STXBP3: variants seen among roughly 807,000 people sequenced by gnomAD.
The protein encoded by STXBP3 is syntaxin-binding protein 3.
STXBP3 carries 41 observed loss-of-function variants against 85.7 expected under a neutral mutation model. The observed-to-expected ratio is 0.48, with a 90% CI of 0.37 to 0.62. The LOEUF is 0.62. STXBP3 is among the 20% of genes least tolerant of loss of function. The pLI is 0.00. For missense variants in STXBP3, 563 were observed against 703.1 expected (o/e 0.80, Z 2.25); for synonymous variants, 229 against 231.7 (o/e 0.99, Z 0.10).
chr1:108,792,609 T>A (rs544710147), intron 11 of STXBP3, among the ~76,000 whole-genome samples: 1 of 152,326 alleles, frequency 6.6e-6, no homozygotes, highest in East Asian at 1.9e-4. Flanking sequence ...TTATTCCTTA[T>A]CTTGGGTCTA....
At chr1:108,784,194 G>A (rs575784214) in intron 11 of STXBP3, among the ~76,000 whole-genome samples, 1 of 152,228 alleles carries the variant, frequency 6.6e-6, no homozygotes, top group South Asian at 2.1e-4. Context: ...TCTTCAGTAA[G>A]GCTGATCATT....
intron 17 of STXBP3, among the ~76,000 whole-genome samples, chr1:108,802,122 T>G (rs868483806): frequency 2.0e-5 from 3 of 152,120 alleles, no homozygotes; most frequent in Admixed American, 6.6e-5. Context: ...CCTGGCCGGG[T>G]GCGGTGGCTC....
chr1:108,790,851 A>G (rs1444604446), intron 11 of STXBP3, among the ~76,000 whole-genome samples: 1 of 152,006 alleles, frequency 6.6e-6, no homozygotes, highest in South Asian at 2.1e-4. Flanking sequence ...TCTTTTGTGC[A>G]GTTGTTTCAT....
chr1:108,806,729 T>A (rs1323403443), intron 17 of STXBP3, among the ~76,000 whole-genome samples: 2 of 152,014 alleles, frequency 1.3e-5, no homozygotes, highest in Non-Finnish European at 2.9e-5. Context: ...CTTCACATCT[T>A]CAAAACCTTT....
intron 6 of STXBP3, among the ~76,000 whole-genome samples, chr1:108,765,591 T>TTTTTTTTTTTTTTTTTTTTTTTTTTC (rs796642937): frequency 8.2e-6 from 1 of 122,654 alleles, no homozygotes; most frequent in Non-Finnish European, 1.7e-5. Flanking sequence ...TTTTTTTTTT[T>TTTTTTTTTTTTTTTTTTTTTTTTTTC]TGAGACGGAG....
chr1:108,757,614 T>G (rs1018998029), intron 4 of STXBP3, among the ~76,000 whole-genome samples: 1 of 152,034 alleles, frequency 6.6e-6, no homozygotes, highest in South Asian at 2.1e-4. Flanking sequence ...TATGTGTGTG[T>G]GCATTCTGGC....
intron 12 of STXBP3, 73 bp downstream of exon 12, chr1:108,793,720 G>A (rs1357964736): frequency 9.8e-6 from 13 of 1,323,042 alleles, no homozygotes; most frequent in Admixed American, 1.9e-5. Flanking sequence ...TCTGTAGTTC[G>A]ATTTAGCAGT....
At chr1:108,755,224 T>A (rs1661992516) in intron 3 of STXBP3, among the ~76,000 whole-genome samples, 1 of 152,068 alleles carries the variant, frequency 6.6e-6, no homozygotes, top group Non-Finnish European at 1.5e-5. Flanking sequence ...GGCAGGAAGA[T>A]CACTTGAACT....
rs939947900 is a variant in STXBP3, at chr1:108,788,576, A to G, written c.964-5006A>G. ...GTTATAATTAATGATAAGTTATTTA[A>G]TAGATATAGAACTATTTAGTTTTTT... On this transcript the variant is annotated intron_variant, in intron 11 of 18. Transcript: ENST00000370008. Among the ~76,000 whole-genome samples the G allele has an allele frequency of 2.6e-5, 4 of 152,152 alleles. No homozygotes were observed. The South Asian group carries it at 8.3e-4, about 31-fold the overall frequency.
At chr1:108,798,288 T>C in intron 16 of STXBP3, 51 bp downstream of exon 16, 2 of 1,452,410 alleles carry the variant, frequency 1.4e-6, no homozygotes, top group Non-Finnish European at 1.9e-6. Flanking sequence ...CTTTAGAGTA[T>C]TCTTTACTTT....
intron 6 of STXBP3, among the ~76,000 whole-genome samples, 197 bp from the exon 7 acceptor site, chr1:108,772,467 CT>C (rs1662485232): frequency 7.0e-6 from 1 of 141,874 alleles, no homozygotes; most frequent in African/African-American, 2.6e-5. Context: ...ATACATATAT[CT>C]ATCTGTATAA....
At chr1:108,769,482 G>A (rs550317313) in intron 6 of STXBP3, among the ~76,000 whole-genome samples, 9 of 152,286 alleles carry the variant, frequency 5.9e-5, no homozygotes, top group Non-Finnish European at 1.2e-4. Flanking sequence ...AGAGAGTCTG[G>A]TACAGTTAGT....
chr1:108,753,537 G>T (rs1309136752), intron 3 of STXBP3, among the ~76,000 whole-genome samples: 1 of 151,954 alleles, frequency 6.6e-6, no homozygotes, highest in Non-Finnish European at 1.5e-5. Flanking sequence ...TGTTGTACAT[G>T]TTTACAAATG....
Position 108,783,510 on chromosome 1 carries a change from G to A in STXBP3, c.963+804G>A, listed in dbSNP as rs542508064. 3.9e-5 allele frequency among the ~76,000 whole-genome samples: 6 copies of A among 152,092 alleles called. No individual in the cohort carries two copies. In the East Asian group the frequency reaches 9.6e-4, roughly 24 times the overall value. On this transcript the variant is annotated intron_variant, in intron 11 of 18. Transcript: ENST00000370008. ...TTAGTAATTCATTTTTTTCATTTGT[G>A]TATAGTAGTAATACCATTATGTAAA... is the stretch of plus-strand genomic sequence containing the variant.
intron 15 of STXBP3, 68 bp downstream of exon 15, chr1:108,796,794 T>G (rs897245565): frequency 1.3e-4 from 117 of 899,990 alleles, no homozygotes; most frequent in Admixed American, 1.2e-3. Context: ...TATTAACTGT[T>G]TTTTTTTTTT....
At position 108,768,562 on chromosome 1, in the gene STXBP3, A is replaced by G. The variant is rs137901981; in HGVS notation, c.439-4103A>G. Among the ~76,000 whole-genome samples the G allele has an allele frequency of 1.0e-3, 154 of 152,320 alleles. 2 individuals are homozygous for G. The highest frequency in any genetic ancestry group is 3.6e-3 in the African/African-American group (148 of 41,576). On this transcript the variant is annotated intron_variant, in intron 6 of 18. Transcript: ENST00000370008. ...CAGGAGAACAGCAGGAATGTGGCTT[A>G]TAAGAGGTGAAGGAATGAAAGATAG...
In STXBP3 at chr1:108,791,723, C is replaced by T. The variant is rs1280965545; in HGVS notation, c.964-1859C>T. Among the ~76,000 whole-genome samples, 5 of 152,098 alleles carry T rather than the reference C, an allele frequency of 3.3e-5. No individual in the cohort carries two copies. The East Asian group carries it at 9.6e-4, about 29-fold the overall frequency. On this transcript the variant is annotated intron_variant, in intron 11 of 18. Coordinates refer to ENST00000370008, the MANE Select transcript of STXBP3 (RefSeq NM_007269.4). ...TTCTGTGAGTTTTGACAAATGCACA[C>T]TCTCATATAACCACTACCACAATCA... is the stretch of plus-strand genomic sequence containing the variant.
At chr1:108,750,136 A>T (rs1290134191) in intron 1 of STXBP3, among the ~76,000 whole-genome samples, 1 of 152,062 alleles carries the variant, frequency 6.6e-6, no homozygotes, top group African/African-American at 2.4e-5. Flanking sequence ...AATCTGCTCC[A>T]TCATAAATTC....
chr1:108,776,230 A>T, intron 7 of STXBP3, 103 bp from the exon 8 acceptor site: 1 of 682,896 alleles, frequency 1.5e-6, no homozygotes, highest in South Asian at 4.2e-5. Flanking sequence ...TCATTTTGTA[A>T]ACATTTTTTA....
Sources: gnomAD v4.1 joint callset for allele counts (sites outside exome capture counted in the v4.1 genomes callset) on GRCh38, gnomAD v4.1.1 for gene constraint, MANE v1.5 for transcripts, NCBI Gene and HGNC (gene_info 2026-07-23, HGNC 2026-07-21) for gene names.